ACSM4: variants seen among roughly 807,000 people sequenced by gnomAD.
ACSM4 encodes acyl-CoA synthetase medium chain family member 4, also known as acyl-coenzyme A synthetase ACSM4, mitochondrial.
ACSM4 carries 66 observed loss-of-function variants against 73.0 expected under a neutral mutation model. The ratio of observed to expected loss-of-function variants is 0.90; its 90% CI spans 0.74 to 1.11. ACSM4 has a LOEUF of 1.11. ACSM4 is among the 50% of genes least tolerant of loss of function. The pLI is 0.00. For synonymous variants in ACSM4, 222 were observed against 254.0 expected, an observed-to-expected ratio of 0.87 and a Z score of 1.20; for missense variants, 645 against 714.4, an observed-to-expected ratio of 0.90 and a Z score of 1.11.
intron 12 of ACSM4, among the ~76,000 whole-genome samples, chr12:7,327,914 C>T (rs1023430641): frequency 6.6e-6 from 1 of 152,080 alleles, no homozygotes; most frequent in Non-Finnish European, 1.5e-5. Flanking sequence ...AAATCTTCCT[C>T]AAAACCTCCA....
chr12:7,309,874 C>T (rs1946380641), intron 2 of ACSM4, among the ~76,000 whole-genome samples: 1 of 152,142 alleles, frequency 6.6e-6, no homozygotes, highest in Admixed American at 6.5e-5. Context: ...GCTTCCATCT[C>T]CAGGGTTCAA....
rs2136334855 is a variant in ACSM4, at chr12:7,320,714, C to T, written c.922-11C>T. The T allele has an allele frequency of 1.9e-6, 3 of 1,607,604 alleles. No homozygotes were observed. In the South Asian group the frequency reaches 3.3e-5, roughly 18 times the overall value. ...CCACTTCTGACATCTGTGTCTTTCT[C>T]CATCATCCAGACACTTACTACTTAT... is the stretch of plus-strand genomic sequence containing the variant. On this transcript the variant is annotated splice_polypyrimidine_tract_variant and intron_variant, in intron 5 of 12. Coordinates refer to ENST00000399422, the MANE Select transcript of ACSM4 (RefSeq NM_001080454.2).
chr12:7,304,832 T>C (rs956055519), intron 1 of ACSM4, among the ~76,000 whole-genome samples: 2 of 152,232 alleles, frequency 1.3e-5, no homozygotes, highest in African/African-American at 4.8e-5. Context: ...TGTTTTCAAG[T>C]TGGTCACAGG....
chr12:7,324,063 A>G (rs1252009324), intron 9 of ACSM4, among the ~76,000 whole-genome samples: 1 of 152,058 alleles, frequency 6.6e-6, no homozygotes, highest in Non-Finnish European at 1.5e-5. Flanking sequence ...CTGTGGTCCC[A>G]GCTACTCAGG....
intron 12 of ACSM4, among the ~76,000 whole-genome samples, chr12:7,327,685 A>C (rs1436890810): frequency 6.6e-6 from 1 of 152,178 alleles, no homozygotes; most frequent in Non-Finnish European, 1.5e-5. Flanking sequence ...GTTTCAGTCA[A>C]AAAGTAGTTA....
In ACSM4 at chr12:7,322,485, C is replaced by T. The variant is rs7485773; in HGVS notation, c.1069C>T (p.Gln357Ter). 0.046 allele frequency: 74,467 copies of T among 1,613,782 alleles called. 2,010 individuals are homozygous for T. Among genetic ancestry groups the T allele is most frequent in the African/African-American group, 0.099 (7,402 of 75,004 alleles). ...GEPLNPEVLE[Q>*]WRVQTGLELY... ...GCCACTCAACCCAGAAGTGCTGGAG[C>T]AGTGGAGGGTGCAAACTGGGCTGGA... Residue 357 changes from glutamine to a stop codon, truncating the protein, a stop_gained, in exon 7 of 13, where the codon CAG becomes TAG. Transcript: ENST00000399422. LOFTEE classifies it high-confidence loss of function.
intron 2 of ACSM4, among the ~76,000 whole-genome samples, chr12:7,307,147 G>T (rs780507511): frequency 6.6e-6 from 1 of 152,214 alleles, no homozygotes; most frequent in Admixed American, 6.5e-5. Context: ...CCAGCTACTC[G>T]GGAGGCTGAG....
chr12:7,328,280 C>A lies in ACSM4; in HGVS notation c.1657-7C>A. Reference sequence around the variant, plus strand: ...AGTGTCTCATCACGTTTTTTTCTGTCAATTAGGTGGAATTTGTTCAAGAAC... The same window carrying A: ...AGTGTCTCATCACGTTTTTTTCTGTAAATTAGGTGGAATTTGTTCAAGAAC... On this transcript the variant is annotated splice_region_variant and splice_polypyrimidine_tract_variant and intron_variant, in intron 12 of 12. Transcript: ENST00000399422. 3 of 1,571,702 alleles carry A rather than the reference C, an allele frequency of 1.9e-6. No homozygotes were observed. The highest frequency in any genetic ancestry group is 2.4e-5 in the South Asian group (2 of 84,934).
chr12:7,314,091 G>A (rs1163014304), intron 3 of ACSM4, among the ~76,000 whole-genome samples: 3 of 152,114 alleles, frequency 2.0e-5, no homozygotes, highest in South Asian at 2.1e-4. Context: ...TGAATAGGAC[G>A]GAGGAAAGAA....
In ACSM4 at chr12:7,304,552, C is replaced by T. The variant is rs1281436515; in HGVS notation, c.201+20C>T. ...GAGAAGGTATATGACGATGGGCTTC[C>T]AGTAGATGCTTGGTGTCCCCTTATC... On this transcript the variant is annotated intron_variant, in intron 1 of 12. Coordinates refer to ENST00000399422, the MANE Select transcript of ACSM4 (RefSeq NM_001080454.2). The T allele has an allele frequency of 6.2e-7, 1 of 1,605,552 alleles. No individual in the cohort carries two copies. Among genetic ancestry groups the T allele is most frequent in the South Asian group, 1.1e-5 (1 of 90,816 alleles).
At chr12:7,317,085 G>C in intron 3 of ACSM4, 52 bp from the exon 4 acceptor site, 1 of 1,567,640 alleles carries the variant, frequency 6.4e-7, no homozygotes, top group East Asian at 2.3e-5. Context: ...AAATATCAGA[G>C]TCAAACTGGT....
chr12:7,322,939 T>G (rs1946475925), intron 7 of ACSM4, among the ~76,000 whole-genome samples: 2 of 152,080 alleles, frequency 1.3e-5, no homozygotes, highest in African/African-American at 4.8e-5. Context: ...AACATCAACA[T>G]CATCTAGGTA....
rs1946490902 is a variant in ACSM4 at position 7,324,688 on chromosome 12, A to G, written c.1536+90A>G. The stretch of plus-strand genomic sequence containing the variant: ...GTAAAGGCTGAACCAAGAGAGGTCA[A>G]TCTATTAATTCTCGTTATGAAGCAT... On this transcript the variant is annotated intron_variant, in intron 11 of 12. Transcript: ENST00000399422. 3.6e-6 allele frequency: 5 copies of G among 1,386,522 alleles called. No individual in the cohort carries two copies. The Admixed American group carries it at 7.8e-5, about 22-fold the overall frequency. 85.9% of individuals were successfully genotyped at this position (1,386,522 alleles called of 1,614,324 possible). A position where few individuals can be genotyped will look rare whatever the true frequency, so the allele number is the denominator to read the frequency against.
chr12:7,316,891 T>A (rs1040019119), intron 3 of ACSM4, among the ~76,000 whole-genome samples: 1 of 152,218 alleles, frequency 6.6e-6, no homozygotes, highest in Non-Finnish European at 1.5e-5. Context: ...TTATCTTGGC[T>A]ATTTCTTTAC....
chr12:7,320,612 G>T, intron 5 of ACSM4, 113 bp from the exon 6 acceptor site: 1 of 818,944 alleles, frequency 1.2e-6, no homozygotes, highest in South Asian at 1.6e-5. Context: ...TCCTAGTAGT[G>T]ACCACGGGAT....
intron 1 of ACSM4, among the ~76,000 whole-genome samples, 193 bp downstream of exon 1, chr12:7,304,725 C>T (rs942314887): frequency 5.9e-5 from 9 of 152,202 alleles, no homozygotes; most frequent in Non-Finnish European, 1.2e-4. Flanking sequence ...GGCTGGGCGG[C>T]TCTGGAGCCT....
At chr12:7,323,109 T>A in intron 7 of ACSM4, 125 bp from the exon 8 acceptor site, 1 of 825,720 alleles carries the variant, frequency 1.2e-6, no homozygotes, top group Non-Finnish European at 1.9e-6. Context: ...TCAAATAATA[T>A]ATTTCAGAAG....
At chr12:7,317,787 T>A (rs1238093471) in intron 4 of ACSM4, among the ~76,000 whole-genome samples, 1 of 152,140 alleles carries the variant, frequency 6.6e-6, no homozygotes, top group Non-Finnish European at 1.5e-5. Context: ...GTTGCATCAA[T>A]GGACAAACTC....
At chr12:7,317,380 T>C in intron 4 of ACSM4, 100 bp downstream of exon 4, 1 of 1,393,840 alleles carries the variant, frequency 7.2e-7, no homozygotes, top group Admixed American at 2.9e-5. Flanking sequence ...CTATAAGATA[T>C]TGGCAATTAT....
Sources: gnomAD v4.1 joint callset for allele counts (sites outside exome capture counted in the v4.1 genomes callset) on GRCh38, gnomAD v4.1.1 for gene constraint, MANE v1.5 for transcripts, NCBI Gene and HGNC (gene_info 2026-07-23, HGNC 2026-07-21) for gene names.